Variants in TCP11L2 observed in about 807,000 individuals in gnomAD.
The protein encoded by TCP11L2 is t-complex 11 like 2, also known as T-complex protein 11-like protein 2.
TCP11L2 carries 39 observed loss-of-function variants against 50.7 expected under a neutral mutation model. The observed-to-expected ratio is 0.77, with a 90% CI of 0.60 to 1.01. TCP11L2 has a LOEUF of 1.01. TCP11L2 is among the 50% of genes least tolerant of loss of function. TCP11L2 has a pLI of 0.00. For missense variants in TCP11L2, 612 were observed against 614.7 expected (o/e 1.00, Z 0.05); for synonymous variants, 192 against 219.3 (o/e 0.88, Z 1.10).
upstream of TCP11L2, among the ~76,000 whole-genome samples, chr12:106,301,271 G>C (rs1246850266): frequency 6.6e-6 from 1 of 152,206 alleles, no homozygotes; most frequent in East Asian, 1.9e-4. Context: ...AGTGGCAAAA[G>C]GAGGCACAGA....
chr12:106,318,616 T>G, intron 4 of TCP11L2, 152 bp downstream of exon 4: 1 of 920,178 alleles, frequency 1.1e-6, no homozygotes, highest in Non-Finnish European at 1.6e-6. Flanking sequence ...ACCACCAGAT[T>G]CGGCATCTGG....
At chr12:106,325,903 A>AC (rs2035523618) in intron 6 of TCP11L2, 1 of 151,474 alleles carries the variant, frequency 6.6e-6, no homozygotes, top group Non-Finnish European at 1.5e-5. Context: ...AAAAAAAAAA[A>AC]AAAAAAAAAA....
intron 4 of TCP11L2, among the ~76,000 whole-genome samples, chr12:106,318,684 G>A (rs1259060009): frequency 2.0e-5 from 3 of 152,194 alleles, no homozygotes; most frequent in Non-Finnish European, 1.5e-5. Context: ...TCACGTGGCA[G>A]AAAAGGCAGA....
At chr12:106,345,639 TA>T (rs1224562413) in intron 9 of TCP11L2, among the ~76,000 whole-genome samples, 1 of 147,384 alleles carries the variant, frequency 6.8e-6, no homozygotes, top group Non-Finnish European at 1.5e-5. Context: ...TCCCCCCAAA[TA>T]GGGCTCTGCC....
At chr12:106,333,649 A>T (rs768673891) in intron 6 of TCP11L2, among the ~76,000 whole-genome samples, 2 of 152,208 alleles carry the variant, frequency 1.3e-5, no homozygotes, top group African/African-American at 4.8e-5. Context: ...AAATATAAAC[A>T]TATTTATATA....
chr12:106,342,146 A>C (rs2036109591), intron 9 of TCP11L2, among the ~76,000 whole-genome samples: 5 of 152,238 alleles, frequency 3.3e-5, no homozygotes, highest in Admixed American at 3.3e-4. Flanking sequence ...ACCTGCTAGG[A>C]CTAATCTGCA....
At chr12:106,325,924 C>A (rs538378417) in intron 6 of TCP11L2, 5 of 148,502 alleles carry the variant, frequency 3.4e-5, no homozygotes, top group African/African-American at 1.2e-4. Flanking sequence ...CCCACACACA[C>A]CAGACTGGAG....
chr12:106,339,140 G>A (rs186438981), intron 8 of TCP11L2, among the ~76,000 whole-genome samples: 311 of 152,144 alleles, frequency 2.0e-3, no homozygotes, highest in Middle Eastern at 3.4e-3. Context: ...GTGAGACTCC[G>A]TCTCAAAAGA....
intron 4 of TCP11L2, among the ~76,000 whole-genome samples, chr12:106,320,565 G>C (rs1003053495): frequency 6.6e-6 from 1 of 152,094 alleles, no homozygotes; most frequent in Admixed American, 6.6e-5. Context: ...AAGTCTAAAT[G>C]GTCTCAGTCT....
chr12:106,344,244 C>G (rs2036169735), intron 9 of TCP11L2, among the ~76,000 whole-genome samples: 1 of 152,090 alleles, frequency 6.6e-6, no homozygotes, highest in South Asian at 2.1e-4. Flanking sequence ...CCACGGTTTT[C>G]AGTTCGTTAT....
At chr12:106,319,389 G>T (rs574584536) in intron 4 of TCP11L2, among the ~76,000 whole-genome samples, 7 of 152,278 alleles carry the variant, frequency 4.6e-5, no homozygotes, top group Non-Finnish European at 8.8e-5. Flanking sequence ...TCCCCCCAAA[G>T]ATTGTTTTAT....
intron 6 of TCP11L2, chr12:106,325,982 C>G (rs760924357): frequency 6.6e-6 from 1 of 150,586 alleles, no homozygotes; most frequent in Non-Finnish European, 1.5e-5. Flanking sequence ...CTCATCAAAT[C>G]TTCACAATTA....
At position 106,311,049 on chromosome 12, in the gene TCP11L2, T is replaced by C. The variant is rs765313533; in HGVS notation, c.-27T>C. 3 of 1,611,692 alleles carry C rather than the reference T, an allele frequency of 1.9e-6. No homozygotes were observed. The highest frequency in any genetic ancestry group is 2.5e-6 in the Non-Finnish European group (3 of 1,178,632). ...TCTGTTTGTCTGTGCAGGTGCTACC[T>C]TTTTACCCACACTTAAGTGACGCAA... On this transcript the variant is annotated 5_prime_UTR_variant, in exon 2 of 10. Coordinates refer to ENST00000299045, the MANE Select transcript of TCP11L2 (RefSeq NM_152772.3).
At chr12:106,307,433 G>A (rs1416507308) in intron 1 of TCP11L2, 1 of 152,210 alleles carries the variant, frequency 6.6e-6, no homozygotes, top group Non-Finnish European at 1.5e-5. Flanking sequence ...CAGTGGCAAA[G>A]GTTAGGTAGA....
Position 106,314,304 on chromosome 12 carries a change from G to C in TCP11L2, c.158-54G>C, listed in dbSNP as rs185436102. The C allele has an allele frequency of 9.0e-4, 1,421 of 1,578,766 alleles. 14 individuals carry two copies. The highest frequency in any genetic ancestry group is 4.6e-4 in the Non-Finnish European group (530 of 1,156,326). On this transcript the variant is annotated intron_variant, in intron 2 of 9. Coordinates refer to ENST00000299045, the MANE Select transcript of TCP11L2 (RefSeq NM_152772.3). ...AACCTTATCTGCATCAGGAGGCTTCGTTGGATGACAACTTTTCTTCTGCAA... is the reference window on the plus strand; with the variant it reads ...AACCTTATCTGCATCAGGAGGCTTCCTTGGATGACAACTTTTCTTCTGCAA...
intron 6 of TCP11L2, chr12:106,324,368 A>G (rs1046112365): frequency 6.6e-5 from 10 of 152,258 alleles, no homozygotes; most frequent in African/African-American, 2.2e-4. Context: ...CAGGGCAGAC[A>G]TTGTGACGGG....
At chr12:106,321,346 C>G in intron 4 of TCP11L2, 140 bp from the exon 5 acceptor site, 1 of 681,368 alleles carries the variant, frequency 1.5e-6, no homozygotes, top group Non-Finnish European at 2.5e-6. Flanking sequence ...TCTGATCCAC[C>G]CATGCAGTCA....
At chr12:106,307,766 C>T (rs1469276399) in intron 1 of TCP11L2, among the ~76,000 whole-genome samples, 1 of 152,138 alleles carries the variant, frequency 6.6e-6, no homozygotes, top group East Asian at 1.9e-4. Flanking sequence ...ATGGTGTTAT[C>T]CTGACATAAA....
chr12:106,302,534 G>A (rs899599961), upstream of TCP11L2, among the ~76,000 whole-genome samples: 1 of 151,460 alleles, frequency 6.6e-6, no homozygotes, highest in Non-Finnish European at 1.5e-5. Flanking sequence ...CGGCAGCCCG[G>A]ACCGCACCAC....
Sources: gnomAD v4.1 joint callset for allele counts (sites outside exome capture counted in the v4.1 genomes callset) on GRCh38, gnomAD v4.1.1 for gene constraint, MANE v1.5 for transcripts, NCBI Gene and HGNC (gene_info 2026-07-23, HGNC 2026-07-21) for gene names.